PARD3: variants seen among roughly 807,000 people sequenced by gnomAD.
PARD3 encodes par-3 family cell polarity regulator.
In PARD3, 75 loss-of-function variants were observed where a neutral mutation model predicts 155.4. That is an observed-to-expected ratio of 0.48 (90% CI 0.40 to 0.58). The LOEUF (loss-of-function observed/expected upper bound fraction) is 0.58. Ranked by LOEUF, PARD3 falls within the 20% of genes least tolerant of loss-of-function variation. The pLI is 0.00. For synonymous variants in PARD3, 576 were observed against 610.5 expected, an observed-to-expected ratio of 0.94 and a Z score of 0.83; for missense variants, 1,642 against 1,721.7, an observed-to-expected ratio of 0.95 and a Z score of 0.82.
chr10:34,435,584 G>A (rs2076147077), intron 5 of PARD3, among the ~76,000 whole-genome samples: 1 of 152,186 alleles, frequency 6.6e-6, no homozygotes, highest in African/African-American at 2.4e-5. Flanking sequence ...CAGAAATCTT[G>A]TATCTTAAGA....
chr10:34,535,139 T>A (rs970238287), intron 2 of PARD3, among the ~76,000 whole-genome samples: 2 of 152,236 alleles, frequency 1.3e-5, no homozygotes, highest in Non-Finnish European at 2.9e-5. Flanking sequence ...AAACTCTGTA[T>A]AAGTAGCTGC....
intron 3 of PARD3, among the ~76,000 whole-genome samples, chr10:34,475,299 C>G (rs1311267221): frequency 6.6e-6 from 1 of 152,158 alleles, no homozygotes; most frequent in Admixed American, 6.5e-5. Context: ...CAATGTTTAA[C>G]ATTTTGCTTA....
At chr10:34,300,574 T>C (rs1287698222) in intron 20 of PARD3, among the ~76,000 whole-genome samples, 2 of 151,682 alleles carry the variant, frequency 1.3e-5, no homozygotes, top group Admixed American at 1.3e-4. Flanking sequence ...CAGTGAGCCA[T>C]GCTTGCTCTA....
intron 2 of PARD3, among the ~76,000 whole-genome samples, chr10:34,612,641 G>C (rs2090993012): frequency 6.6e-6 from 1 of 152,178 alleles, no homozygotes; most frequent in African/African-American, 2.4e-5. Flanking sequence ...GAAAACTGGG[G>C]CAACAATTCT....
chr10:34,407,091 A>C (rs1387631566), intron 5 of PARD3, among the ~76,000 whole-genome samples: 3 of 152,248 alleles, frequency 2.0e-5, no homozygotes, highest in African/African-American at 7.2e-5. Flanking sequence ...GGAAGTAAAT[A>C]TCAGAGCAGA....
At chr10:34,623,090 T>C (rs1235891772) in intron 2 of PARD3, among the ~76,000 whole-genome samples, 1 of 152,048 alleles carries the variant, frequency 6.6e-6, no homozygotes, top group Non-Finnish European at 1.5e-5. Context: ...AGAAAAGTGA[T>C]GAAATTGCAA....
intron 19 of PARD3, among the ~76,000 whole-genome samples, chr10:34,328,978 T>C (rs1227452980): frequency 6.6e-6 from 1 of 152,206 alleles, no homozygotes; most frequent in Non-Finnish European, 1.5e-5. Flanking sequence ...CTGCCACACG[T>C]GTATTTCCCA....
chr10:34,352,993 C>A lies in PARD3; in HGVS notation c.2068-4878G>T, dbSNP rs188989807. 1.5e-4 allele frequency among the ~76,000 whole-genome samples: 19 copies of A among 129,038 alleles called. 1 individual carries two copies. The highest frequency in any genetic ancestry group is 4.0e-4 in the African/African-American group (16 of 39,526). The allele number at this position is 129,038 out of a possible 152,430, so 84.7% of individuals were successfully genotyped here. A position where few individuals can be genotyped will look rare whatever the true frequency, so the allele number is the denominator to read the frequency against. On this transcript the variant is annotated intron_variant, in intron 14 of 24. Coordinates refer to ENST00000374788, the MANE Select transcript of PARD3 (RefSeq NM_001184785.2). ...GATGTGAGGAGTGTCTCTGCCGGAC[C>A]GCCACCCCGTCTGGGAGGTGAGGAG... is the stretch of plus-strand genomic sequence containing the variant.
chr10:34,155,128 TG>T (rs1338564564), intron 22 of PARD3, among the ~76,000 whole-genome samples: 3 of 152,156 alleles, frequency 2.0e-5, no homozygotes, highest in Non-Finnish European at 4.4e-5. Context: ...AAATTTGGGC[TG>T]GGTTTGGAGT....
At chr10:34,333,050 T>C (rs1835784179) in intron 18 of PARD3, among the ~76,000 whole-genome samples, 1 of 152,152 alleles carries the variant, frequency 6.6e-6, no homozygotes, top group South Asian at 2.1e-4. Flanking sequence ...TAAATGTCTA[T>C]CAACTTTCAT....
At chr10:34,176,540 G>C (rs612926) in intron 22 of PARD3, among the ~76,000 whole-genome samples, 33,515 of 152,072 alleles carry the variant, frequency 0.22, 3,872 homozygotes, top group Middle Eastern at 0.33. Flanking sequence ...CATTTCCAAC[G>C]AAAATAATGG....
intron 1 of PARD3, among the ~76,000 whole-genome samples, chr10:34,781,726 C>T (rs902655083): frequency 3.9e-5 from 6 of 152,186 alleles, no homozygotes; most frequent in African/African-American, 1.4e-4. Context: ...CTGTAACATG[C>T]TCAGCACTAT....
At chr10:34,547,599 G>A (rs1201526579) in intron 2 of PARD3, among the ~76,000 whole-genome samples, 3 of 152,174 alleles carry the variant, frequency 2.0e-5, no homozygotes, top group African/African-American at 7.2e-5. Flanking sequence ...ACTGAAGGCA[G>A]GGTAGTGGAT....
chr10:34,194,780 TTAGA>T (rs1950869400), intron 22 of PARD3, among the ~76,000 whole-genome samples: 1 of 152,214 alleles, frequency 6.6e-6, no homozygotes, highest in Non-Finnish European at 1.5e-5. Context: ...TAAGAGTTTC[TTAGA>T]TAGTTATAGT....
intron 2 of PARD3, among the ~76,000 whole-genome samples, chr10:34,584,857 T>C (rs1045919522): frequency 6.6e-6 from 1 of 152,146 alleles, no homozygotes; most frequent in Non-Finnish European, 1.5e-5. Flanking sequence ...CTCATTAGGT[T>C]TTCCCAGGCT....
intron 10 of PARD3, among the ~76,000 whole-genome samples, chr10:34,376,049 A>G (rs899883214): frequency 2.6e-5 from 4 of 152,116 alleles, no homozygotes; most frequent in Admixed American, 2.6e-4. Context: ...TACTCAAACA[A>G]AAGAAAGTGA....
chr10:34,678,755 A>G (rs1421213719), intron 2 of PARD3, among the ~76,000 whole-genome samples: 1 of 152,168 alleles, frequency 6.6e-6, no homozygotes, highest in African/African-American at 2.4e-5. Flanking sequence ...CTTTTTCAAA[A>G]TAATATTAAG....
intron 3 of PARD3, among the ~76,000 whole-genome samples, chr10:34,507,548 C>CAAAAAAAAAAAACAAAAAAAAAAA (rs772632460): frequency 9.3e-5 from 4 of 42,954 alleles, no homozygotes; most frequent in Admixed American, 2.3e-4. Context: ...ATTAAAAAAA[C>CAAAAAAAAAAAACAAAAAAAAAAA]AAAAAAAAAA....
intron 22 of PARD3, among the ~76,000 whole-genome samples, chr10:34,239,933 A>C (rs1329044922): frequency 6.6e-6 from 1 of 152,254 alleles, no homozygotes; most frequent in Non-Finnish European, 1.5e-5. Flanking sequence ...GAAATAGGAT[A>C]GATCATGGAC....
Sources: allele counts gnomAD v4.1 joint callset (sites outside exome capture counted in the v4.1 genomes callset), GRCh38; gene constraint gnomAD v4.1.1; transcripts MANE v1.5; gene names NCBI Gene and HGNC (gene_info 2026-07-23, HGNC 2026-07-21).